PAM: variants seen among roughly 807,000 people sequenced by gnomAD.
The protein encoded by PAM is peptidylglycine alpha-amidating monooxygenase, also known as peptidyl-glycine alpha-amidating monooxygenase.
PAM carries 72 observed loss-of-function variants against 122.1 expected under a neutral mutation model. The ratio of observed to expected loss-of-function variants is 0.59; its 90% CI spans 0.49 to 0.72. The LOEUF (loss-of-function observed/expected upper bound fraction) is 0.72, where lower values mean the gene tolerates loss of function less well. Ranked by LOEUF, PAM falls within the 30% of genes least tolerant of loss-of-function variation. The pLI, the probability that PAM is intolerant of heterozygous loss-of-function variation, is 0.00. For synonymous variants in PAM, 389 were observed against 404.4 expected (o/e 0.96, Z 0.46); for missense variants, 1,106 against 1,183.7 (o/e 0.93, Z 0.96).
chr5:102,886,183 T>A (rs1383986785), intron 3 of PAM, among the ~76,000 whole-genome samples: 1 of 152,094 alleles, frequency 6.6e-6, no homozygotes, highest in East Asian at 1.9e-4. Context: ...AAACCTGTGA[T>A]TTGCTGTCCT....
intron 24 of PAM, among the ~76,000 whole-genome samples, chr5:103,027,257 A>G (rs954549009): frequency 3.9e-5 from 6 of 152,222 alleles, no homozygotes; most frequent in African/African-American, 1.4e-4. Context: ...TGCAGAACTT[A>G]CAATCTAATT....
Position 102,924,980 on chromosome 5 carries a change from C to T in PAM, c.380C>T (p.Thr127Ile), listed in dbSNP as rs775617960. The change falls in exon 6 of 26, where the codon ACA becomes ATA. Residue 127 changes from threonine (T) to isoleucine (I), a missense_variant. Thr to Ile is a moderately conservative substitution (Grantham distance 89). This residue lies in a region of PAM where 670 missense variants were observed against 690.3 expected (regional missense o/e 0.97). Coordinates refer to ENST00000438793, the MANE Select transcript of PAM (RefSeq NM_001177306.2). ...AGGTTTTGTGATGAAGGAACCTGTA[C>T]AGATAAAGCCAATATTCTGTATGCC... ...SYWFCDEGTC[T>I]DKANILYAWA... 1 of 1,575,506 alleles carries T rather than the reference C, an allele frequency of 6.3e-7. No homozygotes were observed.
Position 102,982,631 on chromosome 5 carries a change from C to T in PAM, c.1484-7641C>T, listed in dbSNP as rs369299344. The stretch of plus-strand genomic sequence containing the variant: ...AGACACCACTGATGCTGATTATAGC[C>T]AAAGAAATCATACAGAGACTACTGT... On this transcript the variant is annotated intron_variant, in intron 15 of 25. Transcript: ENST00000438793. Among the ~76,000 whole-genome samples the T allele has an allele frequency of 3.9e-5, 6 of 152,262 alleles. No homozygotes were observed. In the East Asian group the frequency reaches 7.7e-4, roughly 20 times the overall value.
chr5:102,854,719 A>G (rs1008642065), intron 1 of PAM, among the ~76,000 whole-genome samples: 21 of 152,206 alleles, frequency 1.4e-4, no homozygotes, highest in Admixed American at 1.2e-3. Flanking sequence ...AAAATAAACC[A>G]CTTCTTCCTA....
chr5:102,926,763 C>T (rs1300709846), intron 7 of PAM, 95 bp downstream of exon 7: 1 of 684,764 alleles, frequency 1.5e-6, no homozygotes, highest in Non-Finnish European at 2.6e-6. Flanking sequence ...AAAAGAATTG[C>T]CCACACCCTC....
At chr5:102,946,984 A>C in intron 8 of PAM, 99 bp downstream of exon 8, 1 of 793,968 alleles carries the variant, frequency 1.3e-6, no homozygotes, top group African/African-American at 1.7e-5. Flanking sequence ...GGTAAAAATT[A>C]ACCTAAACTG....
chr5:102,866,258 C>G lies in PAM; in HGVS notation c.63C>G (p.Phe21Leu), dbSNP rs1581112210. Residue 21 changes from phenylalanine to leucine, a missense_variant, in exon 2 of 26, where the codon TTC becomes TTG. This residue lies in a region of PAM where 670 missense variants were observed against 690.3 expected (regional missense o/e 0.97). Transcript: ENST00000438793. ...TTTTTCCAAGCAGCTGTTTGGCTTT[C>G]CGAAGCCCACTTTCTGTCTTTAAGA... ...LLVFPSSCLA[F>L]RSPLSVFKRF... 1 of 1,612,614 alleles carries G rather than the reference C, an allele frequency of 6.2e-7. No individual in the cohort carries two copies. The highest frequency in any genetic ancestry group is 1.3e-5 in the African/African-American group (1 of 74,898).
At chr5:102,891,870 T>C (rs1042062105) in intron 3 of PAM, among the ~76,000 whole-genome samples, 4 of 151,868 alleles carry the variant, frequency 2.6e-5, no homozygotes, top group African/African-American at 9.7e-5. Flanking sequence ...GAAAATTATC[T>C]ACTGATGAAT....
intron 14 of PAM, among the ~76,000 whole-genome samples, chr5:102,972,534 G>A (rs1377678922): frequency 1.3e-5 from 2 of 151,678 alleles, no homozygotes; most frequent in African/African-American, 4.9e-5. Flanking sequence ...CTCCTGCCTG[G>A]GCCTCCCAAA....
chr5:103,022,900 C>G (rs1032988261), intron 23 of PAM, among the ~76,000 whole-genome samples: 1 of 152,102 alleles, frequency 6.6e-6, no homozygotes, highest in African/African-American at 2.4e-5. Flanking sequence ...CATACAAATG[C>G]TCTTGTGAAG....
intron 1 of PAM, among the ~76,000 whole-genome samples, chr5:102,862,940 TG>T (rs1784577004): frequency 6.6e-6 from 1 of 152,048 alleles, no homozygotes; most frequent in South Asian, 2.1e-4. Flanking sequence ...ATGGTCAAAT[TG>T]GTTAATATAT....
intron 1 of PAM, among the ~76,000 whole-genome samples, chr5:102,846,412 A>T (rs1561613812): frequency 6.6e-6 from 1 of 152,212 alleles, no homozygotes; most frequent in East Asian, 1.9e-4. Context: ...TGTAATTTTA[A>T]AAACTCAACT....
intron 1 of PAM, among the ~76,000 whole-genome samples, chr5:102,762,146 TC>T (rs764871947): frequency 1.3e-5 from 2 of 152,212 alleles, no homozygotes; most frequent in African/African-American, 2.4e-5. Flanking sequence ...TCCCCCAAAT[TC>T]CCCTTCCTCA....
chr5:103,006,101 A>AT (rs1247785526), intron 18 of PAM, among the ~76,000 whole-genome samples: 1 of 151,860 alleles, frequency 6.6e-6, no homozygotes, highest in African/African-American at 2.4e-5. Flanking sequence ...TACTTGGCTA[A>AT]TTTTTTTAAA....
chr5:102,798,122 A>G (rs2150062715), intron 1 of PAM, among the ~76,000 whole-genome samples: 1 of 152,318 alleles, frequency 6.6e-6, no homozygotes, highest in Non-Finnish European at 1.5e-5. Flanking sequence ...GTATTTTTAT[A>G]GAACCATAGT....
At chr5:103,023,569 G>A (rs1264567249) in intron 23 of PAM, among the ~76,000 whole-genome samples, 1 of 150,420 alleles carries the variant, frequency 6.6e-6, no homozygotes, top group Non-Finnish European at 1.5e-5. Flanking sequence ...ATTCCCCTCA[G>A]AAACTAGACA....
At chr5:102,903,720 A>G (rs371935233) in intron 4 of PAM, among the ~76,000 whole-genome samples, 1 of 151,568 alleles carries the variant, frequency 6.6e-6, no homozygotes, top group African/African-American at 2.4e-5. Context: ...GAATCTGCCC[A>G]AGCTTTTTAC....
intron 15 of PAM, among the ~76,000 whole-genome samples, chr5:102,980,520 C>T (rs1008101659): frequency 1.3e-5 from 2 of 152,174 alleles, no homozygotes; most frequent in African/African-American, 2.4e-5. Context: ...GGAATAATTC[C>T]GATACAGTTC....
Position 103,005,242 on chromosome 5 carries a change from G to A in PAM, c.1803+16G>A, listed in dbSNP as rs140013854. 4.6e-6 allele frequency: 5 copies of A among 1,076,782 alleles called. No homozygotes were observed. Among genetic ancestry groups the A allele is most frequent in the South Asian group, 2.5e-5 (2 of 80,252 alleles). The allele number at this position is 1,076,782 out of a possible 1,614,324, so 66.7% of individuals were successfully genotyped here. A position where few individuals can be genotyped will look rare whatever the true frequency, so the allele number is the denominator to read the frequency against. ...TCTCCATCAGGTAGTCTTCCTTTTG[G>A]TAATATTCAAATTAGAAGCTAACAG... On this transcript the variant is annotated intron_variant, in intron 18 of 25. Coordinates refer to ENST00000438793, the MANE Select transcript of PAM (RefSeq NM_001177306.2).
Sources: gnomAD v4.1 joint callset for allele counts (sites outside exome capture counted in the v4.1 genomes callset) on GRCh38, gnomAD v4.1.1 for gene constraint, gnomAD v4.1.1 regional missense constraint, MANE v1.5 for transcripts, NCBI Gene and HGNC (gene_info 2026-07-23, HGNC 2026-07-21) for gene names.